COLEC10: variants seen among roughly 807,000 people sequenced by gnomAD.
COLEC10 encodes the protein collectin subfamily member 10, also known as collectin-10.
Under a neutral mutation model 28.4 loss-of-function variants are expected in COLEC10, and 22 were observed. The ratio of observed to expected loss-of-function variants is 0.78; its 90% CI spans 0.55 to 1.11. COLEC10 has a LOEUF of 1.11. Ranked by LOEUF, COLEC10 falls within the 50% of genes least tolerant of loss-of-function variation. COLEC10 has a pLI of 0.00. For synonymous variants in COLEC10, 125 were observed against 116.1 expected, an observed-to-expected ratio of 1.08 and a Z score of -0.49; for missense variants, 361 against 344.1, an observed-to-expected ratio of 1.05 and a Z score of -0.39.
chr8:119,042,812 GT>G (rs1814522607), intron 2 of COLEC10, among the ~76,000 whole-genome samples: 1 of 152,170 alleles, frequency 6.6e-6, no homozygotes, highest in Non-Finnish European at 1.5e-5. Flanking sequence ...TTGAGATTAT[GT>G]ATATAAAAAT....
At chr8:119,030,988 A>T (rs757210867) in intron 2 of COLEC10, among the ~76,000 whole-genome samples, 1 of 152,218 alleles carries the variant, frequency 6.6e-6, no homozygotes, top group Non-Finnish European at 1.5e-5. Flanking sequence ...TGGAAACCAT[A>T]TCTAAAGGTC....
chr8:118,981,995 AC>A, the COLEC10 span, among the ~76,000 whole-genome samples: 1 of 135,690 alleles, frequency 7.4e-6, no homozygotes, highest in Non-Finnish European at 1.6e-5. Context: ...CATCACCCCT[AC>A]TTTTTTTTTT....
the COLEC10 span, among the ~76,000 whole-genome samples, chr8:118,968,594 T>A: frequency 6.6e-6 from 1 of 150,834 alleles, no homozygotes; most frequent in African/African-American, 2.4e-5. Context: ...TGTGTGTATA[T>A]ATATACGTAT....
At chr8:119,036,231 A>G (rs1225805133) in intron 2 of COLEC10, among the ~76,000 whole-genome samples, 2 of 152,256 alleles carry the variant, frequency 1.3e-5, no homozygotes, top group South Asian at 2.1e-4. Context: ...TTTTATGTAC[A>G]GACTTAATTA....
chr8:118,986,000 A>C, the COLEC10 span, among the ~76,000 whole-genome samples: 1 of 152,180 alleles, frequency 6.6e-6, no homozygotes, highest in African/African-American at 2.4e-5. Flanking sequence ...GCCAGAGTGC[A>C]GTAAACAAAT....
intron 2 of COLEC10, among the ~76,000 whole-genome samples, chr8:119,021,498 T>C (rs1483381985): frequency 6.6e-6 from 1 of 152,144 alleles, no homozygotes; most frequent in East Asian, 1.9e-4. Flanking sequence ...GAATTACTAC[T>C]GCTGGAGCTG....
the COLEC10 span, among the ~76,000 whole-genome samples, chr8:118,980,906 G>A: frequency 7.4e-3 from 1,120 of 151,902 alleles, 5 homozygotes; most frequent in Non-Finnish European, 0.01. Flanking sequence ...GGGGTGGATT[G>A]TTTGTTTTTC....
chr8:118,957,362 C>G, the COLEC10 span, among the ~76,000 whole-genome samples: 2 of 152,160 alleles, frequency 1.3e-5, no homozygotes, highest in Admixed American at 6.5e-5. Flanking sequence ...ATGGTGACGG[C>G]TATGAAGGCC....
chr8:118,988,434 A>T, the COLEC10 span, among the ~76,000 whole-genome samples: 1 of 152,110 alleles, frequency 6.6e-6, no homozygotes, highest in Non-Finnish European at 1.5e-5. Context: ...TTCCCACTCT[A>T]GTCCCTTCCA....
At chr8:119,000,474 G>A (rs1308301136) in intron 1 of COLEC10, among the ~76,000 whole-genome samples, 1 of 152,124 alleles carries the variant, frequency 6.6e-6, no homozygotes, top group Non-Finnish European at 1.5e-5. Context: ...AGTGCACAGA[G>A]GAGCTTAATC....
chr8:118,952,287 G>A, the COLEC10 span: 3 of 177,184 alleles, frequency 1.7e-5, no homozygotes, highest in Non-Finnish European at 3.6e-5. Flanking sequence ...TGCTGTGCTT[G>A]TGTCTCCTCC....
chr8:119,090,387 A>G (rs2465393), intron 2 of COLEC10, among the ~76,000 whole-genome samples: 59,704 of 151,936 alleles, frequency 0.39, 12,341 homozygotes, highest in Non-Finnish European at 0.47. Flanking sequence ...CACCTTCTGA[A>G]CACTTGAAAT....
At chr8:119,068,330 G>A (rs773351349) in intron 1 of COLEC10, 5 of 152,168 alleles carry the variant, frequency 3.3e-5, no homozygotes, top group Non-Finnish European at 7.4e-5. Context: ...CTTAATCACT[G>A]AATTAATTTT....
At chr8:118,970,465 C>T in the COLEC10 span, among the ~76,000 whole-genome samples, 1 of 151,918 alleles carries the variant, frequency 6.6e-6, no homozygotes, top group Non-Finnish European at 1.5e-5. Context: ...ATCCAGGTTC[C>T]ACTATTTGAT....
At chr8:118,988,241 A>G in the COLEC10 span, among the ~76,000 whole-genome samples, 1 of 152,130 alleles carries the variant, frequency 6.6e-6, no homozygotes, top group East Asian at 1.9e-4. Flanking sequence ...ATATTATCAG[A>G]TTCTCATCAT....
At position 119,097,757 on chromosome 8, in the gene COLEC10, T is replaced by C. The variant is rs148836824; in HGVS notation, c.293-4591T>C. Among the ~76,000 whole-genome samples the C allele has an allele frequency of 4.6e-5, 7 of 152,250 alleles. No homozygotes were observed. The East Asian group carries it at 1.3e-3, about 29-fold the overall frequency. On this transcript the variant is annotated intron_variant, in intron 3 of 5. Coordinates refer to ENST00000332843, the MANE Select transcript of COLEC10 (RefSeq NM_006438.5). The stretch of plus-strand genomic sequence containing the variant: ...CTTCAAAATTTCTGAGATGCAGCTA[T>C]GCTAAATGTGATTAAGATCTCATGT...
Position 119,091,064 on chromosome 8 carries a change from A to T in COLEC10, c.221-85A>T. Reference sequence around the variant, plus strand: ...CTGGTAGAAGAATATACTTGTTGGTATTTCTTTCAAGTGAATATCACATTA... The same window carrying T: ...CTGGTAGAAGAATATACTTGTTGGTTTTTCTTTCAAGTGAATATCACATTA... On this transcript the variant is annotated intron_variant, in intron 2 of 5. Transcript: ENST00000332843. The T allele has an allele frequency of 2.9e-6, 3 of 1,030,676 alleles. No homozygotes were observed. In the South Asian group the frequency reaches 3.9e-5, roughly 14 times the overall value. The allele number at this position is 1,030,676 out of a possible 1,614,324, so 63.8% of individuals were successfully genotyped here.
At position 119,106,053 on chromosome 8, in the gene COLEC10, C is replaced by T; in HGVS notation, c.696C>T (p.Ser232=). The T allele has an allele frequency of 1.2e-6, 2 of 1,613,896 alleles. No homozygotes were observed. Among genetic ancestry groups the T allele is most frequent in the Non-Finnish European group, 1.7e-6 (2 of 1,179,880 alleles). Residue 232 remains serine, a synonymous_variant, in exon 6 of 6, where the codon AGC becomes AGT. Coordinates refer to ENST00000332843, the MANE Select transcript of COLEC10 (RefSeq NM_006438.5). ...FTDNTPLQNY[S]NWNEGEPSDP... is the part of the protein sequence containing the mutation. Reference sequence around the variant, plus strand: ...ACAACACTCCACTGCAGAACTATAGCAACTGGAATGAGGGGGAACCCAGCG... The same window carrying T: ...ACAACACTCCACTGCAGAACTATAGTAACTGGAATGAGGGGGAACCCAGCG...
chr8:119,097,645 G>T (rs974914453), intron 3 of COLEC10, among the ~76,000 whole-genome samples: 3 of 151,964 alleles, frequency 2.0e-5, no homozygotes, highest in African/African-American at 7.2e-5. Flanking sequence ...CAGATAAAAT[G>T]CATCATGGAT....
Sources: gnomAD v4.1 joint callset for allele counts (sites outside exome capture counted in the v4.1 genomes callset) on GRCh38, gnomAD v4.1.1 for gene constraint, MANE v1.5 for transcripts, NCBI Gene and HGNC (gene_info 2026-07-23, HGNC 2026-07-21) for gene names.